VPS13C: variants seen among roughly 807,000 people sequenced by gnomAD.
VPS13C encodes the protein intermembrane lipid transfer protein VPS13C.
A neutral mutation model predicts 456.8 loss-of-function variants in VPS13C; 358 were observed. The observed-to-expected ratio is 0.78, with a 90% CI of 0.72 to 0.86. The LOEUF is 0.86. VPS13C is among the 40% of genes least tolerant of loss of function. The pLI, the probability that VPS13C is intolerant of heterozygous loss-of-function variation, is 0.00. For missense variants in VPS13C, 4,818 were observed against 4,385.4 expected (o/e 1.10, Z -2.79); for synonymous variants, 1,578 against 1,486.7 (o/e 1.06, Z -1.41).
In VPS13C at chr15:62,007,342, G is replaced by T; in HGVS notation, c.1256C>A (p.Ser419Tyr). 1 of 1,610,798 alleles carries T rather than the reference G, an allele frequency of 6.2e-7. No individual in the cohort carries two copies. The highest frequency in any genetic ancestry group is 8.5e-7 in the Non-Finnish European group (1 of 1,178,874). ...TTTCTGTATTTCTTCTGAGACTTTA[G>T]ACTGTGTTAACTTGTTTTTGTAGGC... ...KIAYKNKLTQ[S>Y]KVSEEIQKEI... Residue 419 changes from serine to tyrosine, a missense_variant, in exon 15 of 85, where the codon TCT becomes TAT. Around this residue, in one of 3 missense-constraint regions of VPS13C, gnomAD observed 4,552 missense variants for 4,130.6 expected, o/e 1.10. Coordinates refer to ENST00000644861, the MANE Select transcript of VPS13C (RefSeq NM_020821.3).
chr15:61,995,025 T>C (rs1180526419), intron 16 of VPS13C, among the ~76,000 whole-genome samples: 1 of 152,228 alleles, frequency 6.6e-6, no homozygotes, highest in Non-Finnish European at 1.5e-5. Context: ...TACTGCTCCA[T>C]TTATCTGCTC....
intron 16 of VPS13C, among the ~76,000 whole-genome samples, chr15:61,999,360 A>G (rs1415780560): frequency 1.3e-5 from 2 of 151,632 alleles, no homozygotes; most frequent in African/African-American, 4.9e-5. Context: ...AGCCTGGACA[A>G]CAGAGCAAGA....
intron 16 of VPS13C, among the ~76,000 whole-genome samples, chr15:61,992,600 A>G (rs1326659695): frequency 6.6e-6 from 1 of 152,176 alleles, no homozygotes; most frequent in Non-Finnish European, 1.5e-5. Flanking sequence ...AACAGGTTTG[A>G]TTGGTGAATG....
At position 61,966,156 on chromosome 15, in the gene VPS13C, TA is replaced by T. The variant is rs747784774; in HGVS notation, c.2992-15del. On this transcript the variant is annotated splice_polypyrimidine_tract_variant and intron_variant, in intron 29 of 84. Coordinates refer to ENST00000644861, the MANE Select transcript of VPS13C (RefSeq NM_020821.3). ...ATTCTTATCAGCCTGAAAAAAGAAG[TA>T]AAAGTTCTAAAGAAGGTACTAGGAT... 3.1e-6 allele frequency: 5 copies of T among 1,591,216 alleles called. No homozygotes were observed. The African/African-American group carries it at 6.7e-5, about 21-fold the overall frequency.
rs759607220 is a variant in VPS13C at position 61,875,758 on chromosome 15, C to A, written c.10312G>T (p.Glu3438Ter). 6.2e-7 allele frequency: 1 copy of A among 1,611,106 alleles called. No homozygotes were observed. Among genetic ancestry groups the A allele is most frequent in the East Asian group, 2.2e-5 (1 of 44,722 alleles). ...TGGAAGGGTTCATAGAATAAAGCTT[C>A]AACTCCTTCAGACAGACCTCTAATT... ...GLIRGLSEGVEALFYEPFQGA... is the reference protein window; with the variant it reads ...GLIRGLSEGV Residue 3438 changes from glutamate (E) to a stop codon, truncating the protein, a stop_gained, in exon 76 of 85, where the codon GAA becomes TAA. Transcript: ENST00000644861. LOFTEE classifies it high-confidence loss of function.
At position 62,060,416 on chromosome 15, in the gene VPS13C, C is replaced by T. The variant is rs781651358; in HGVS notation, c.-42G>A. On this transcript the variant is annotated 5_prime_UTR_variant, in exon 1 of 85. Coordinates refer to ENST00000644861, the MANE Select transcript of VPS13C (RefSeq NM_020821.3). ...AAGGAGAGGGAGGAGCCGGAACCGC[C>T]CGGCGCAGCTGAGGGCTGCGACCAG... The T allele has an allele frequency of 3.6e-5, 39 of 1,084,048 alleles. 1 individual carries two copies. The South Asian group carries it at 4.6e-4, about 13-fold the overall frequency. The allele number at this position is 1,084,048 out of a possible 1,614,324, so 67.2% of individuals were successfully genotyped here. A position where few individuals can be genotyped will look rare whatever the true frequency, so the allele number is the denominator to read the frequency against.
intron 47 of VPS13C, among the ~76,000 whole-genome samples, chr15:61,938,090 A>T (rs1232808160): frequency 1.3e-5 from 2 of 152,214 alleles, no homozygotes; most frequent in Non-Finnish European, 2.9e-5. Flanking sequence ...AGAGCTATTT[A>T]AGTACAAGAT....
chr15:61,975,951 A>T (rs184326183), intron 24 of VPS13C, among the ~76,000 whole-genome samples: 2 of 152,206 alleles, frequency 1.3e-5, no homozygotes, highest in East Asian at 3.9e-4. Context: ...ACATAATGAG[A>T]TATCCTGCAG....
intron 9 of VPS13C, among the ~76,000 whole-genome samples, chr15:62,015,902 G>A (rs2047224843): frequency 1.6e-5 from 2 of 126,010 alleles, no homozygotes; most frequent in East Asian, 4.7e-4. Flanking sequence ...CCTGCACAAT[G>A]TGCACATGTA....
chr15:61,930,159 G>A (rs1026098021), intron 50 of VPS13C, among the ~76,000 whole-genome samples: 14 of 152,006 alleles, frequency 9.2e-5, no homozygotes, highest in Admixed American at 8.5e-4. Context: ...CCTCCCTGAA[G>A]GAATTTATCT....
intron 54 of VPS13C, 65 bp downstream of exon 54, chr15:61,922,332 T>C: frequency 1.3e-6 from 2 of 1,541,454 alleles, no homozygotes; most frequent in Non-Finnish European, 1.7e-6. Flanking sequence ...AAGAAAAGTG[T>C]ATATCTTAAT....
intron 5 of VPS13C, among the ~76,000 whole-genome samples, chr15:62,032,113 T>C (rs2047840112): frequency 6.6e-6 from 1 of 151,852 alleles, no homozygotes; most frequent in South Asian, 2.1e-4. Flanking sequence ...TACATCAATA[T>C]ACCTAATGAT....
intron 3 of VPS13C, among the ~76,000 whole-genome samples, chr15:62,039,238 C>T (rs1216310904): frequency 6.6e-6 from 1 of 151,892 alleles, no homozygotes; most frequent in Non-Finnish European, 1.5e-5. Flanking sequence ...ATATACCATG[C>T]AATAGTATGC....
intron 22 of VPS13C, among the ~76,000 whole-genome samples, chr15:61,980,175 C>T (rs527802027): frequency 1.6e-3 from 182 of 114,732 alleles, no homozygotes; most frequent in African/African-American, 5.9e-3. Flanking sequence ...CAGAGCAAGA[C>T]CCCATCTCAA....
At chr15:62,016,981 A>G (rs934648135) in intron 9 of VPS13C, among the ~76,000 whole-genome samples, 14 of 152,122 alleles carry the variant, frequency 9.2e-5, no homozygotes, top group East Asian at 3.9e-4. Flanking sequence ...GTGTGAGATG[A>G]TATCTCATTG....
At chr15:61,910,545 A>C (rs1341350241) in intron 63 of VPS13C, among the ~76,000 whole-genome samples, 2 of 152,150 alleles carry the variant, frequency 1.3e-5, no homozygotes, top group African/African-American at 4.8e-5. Flanking sequence ...GTATAATTGC[A>C]ATATGAGAAA....
Position 62,007,427 on chromosome 15 carries a change from G to A in VPS13C, c.1171C>T (p.Gln391Ter). The A allele has an allele frequency of 6.2e-7, 1 of 1,609,512 alleles. No homozygotes were observed. Among genetic ancestry groups the A allele is most frequent in the Non-Finnish European group, 8.5e-7 (1 of 1,178,564 alleles). Residue 391 changes from glutamine (Q) to a stop codon, truncating the protein, a stop_gained, in exon 15 of 85, where the codon CAG (glutamine) becomes TAG (stop). Coordinates refer to ENST00000644861, the MANE Select transcript of VPS13C (RefSeq NM_020821.3). LOFTEE classifies it high-confidence loss of function. ...TTTATGTTACTCCATGACCACATCT[G>A]TGTATACCTTCTTATATGAACTTCA... ...VLEVHIRRYT[Q>*]MWSWSNIKKH...
intron 70 of VPS13C, 21 bp downstream of exon 70, chr15:61,881,726 T>A (rs756763232): frequency 6.2e-7 from 1 of 1,606,634 alleles, no homozygotes; most frequent in Middle Eastern, 1.7e-4. Context: ...TATATCTATG[T>A]CACAACTTAT....
chr15:62,028,548 T>C (rs2047713844), intron 5 of VPS13C, 128 bp from the exon 6 acceptor site: 13 of 879,678 alleles, frequency 1.5e-5, no homozygotes, highest in Non-Finnish European at 2.1e-5. Flanking sequence ...AATTAAAATT[T>C]GGTGACACCA....
Sources: allele counts gnomAD v4.1 joint callset (sites outside exome capture counted in the v4.1 genomes callset), GRCh38; gene constraint gnomAD v4.1.1; regional missense constraint gnomAD v4.1.1; transcripts MANE v1.5; gene names NCBI Gene and HGNC (gene_info 2026-07-23, HGNC 2026-07-21).